ITSN1: variants seen among roughly 807,000 people sequenced by gnomAD.
The protein encoded by ITSN1 is intersectin 1.
ITSN1 carries 58 observed loss-of-function variants against 239.8 expected under a neutral mutation model. The ratio of observed to expected loss-of-function variants is 0.24; its 90% confidence interval spans 0.20 to 0.30. ITSN1 has a LOEUF of 0.30. ITSN1 is among the 10% of genes least tolerant of loss of function. The pLI is 1.00. For missense variants in ITSN1, 1,558 were observed against 2,103.3 expected (o/e 0.74, Z 5.07); for synonymous variants, 780 against 770.8 (o/e 1.01, Z -0.20).
intron 4 of ITSN1, among the ~76,000 whole-genome samples, chr21:33,724,087 G>T (rs2065668488): frequency 7.9e-6 from 1 of 126,272 alleles, no homozygotes; most frequent in Admixed American, 8.4e-5. Context: ...AGGAGATTGT[G>T]TGTGTGTGTT....
chr21:33,824,418 A>T (rs1459897211), intron 25 of ITSN1, among the ~76,000 whole-genome samples: 1 of 152,046 alleles, frequency 6.6e-6, no homozygotes, highest in Non-Finnish European at 1.5e-5. Context: ...ATGCACATTT[A>T]AAAAAACCAA....
At chr21:33,659,930 A>G (rs2089425460) in intron 1 of ITSN1, among the ~76,000 whole-genome samples, 1 of 151,884 alleles carries the variant, frequency 6.6e-6, no homozygotes, top group African/African-American at 2.4e-5. Flanking sequence ...ACTGGTCTCA[A>G]ACTCCTAGGC....
Position 33,664,209 on chromosome 21 carries a change from G to A in ITSN1, c.-33+21496G>A, listed in dbSNP as rs374631800. Among the ~76,000 whole-genome samples the A allele has an allele frequency of 3.3e-5, 5 of 152,280 alleles. No individual in the cohort carries two copies. The East Asian group carries it at 5.8e-4, about 18-fold the overall frequency. On this transcript the variant is annotated intron_variant, in intron 1 of 39. Coordinates refer to ENST00000381318, the MANE Select transcript of ITSN1 (RefSeq NM_003024.3). ...TAGGAAGGTCAAGTTAGAGCATCCG[G>A]TGAGGTCCTCAGGTTGCTTTCACTC...
intron 1 of ITSN1, among the ~76,000 whole-genome samples, chr21:33,678,469 G>T (rs1345917765): frequency 6.6e-6 from 1 of 152,148 alleles, no homozygotes; most frequent in Non-Finnish European, 1.5e-5. Context: ...CTAGCACTTA[G>T]CCCCGTGCTT....
chr21:33,647,601 A>C (rs1054706703), intron 1 of ITSN1, among the ~76,000 whole-genome samples: 4 of 152,000 alleles, frequency 2.6e-5, no homozygotes, highest in African/African-American at 9.7e-5. Context: ...GTTCAAATGA[A>C]TCTCTTGCCT....
intron 1 of ITSN1, among the ~76,000 whole-genome samples, chr21:33,652,971 A>C (rs1364763247): frequency 6.6e-6 from 1 of 150,866 alleles, no homozygotes; most frequent in African/African-American, 2.4e-5. Flanking sequence ...ACTATAATCC[A>C]CTTAAAGTAC....
At chr21:33,645,159 C>T (rs1194747459) in intron 1 of ITSN1, among the ~76,000 whole-genome samples, 1 of 152,142 alleles carries the variant, frequency 6.6e-6, no homozygotes, top group Non-Finnish European at 1.5e-5. Flanking sequence ...TTTTAATTTG[C>T]TAACATTTGT....
chr21:33,870,085 C>T (rs1018337136), intron 33 of ITSN1, among the ~76,000 whole-genome samples: 1 of 152,154 alleles, frequency 6.6e-6, no homozygotes, highest in Non-Finnish European at 1.5e-5. Flanking sequence ...TTACATGTGA[C>T]AAATCTCCCT....
intron 16 of ITSN1, among the ~76,000 whole-genome samples, chr21:33,793,399 T>C (rs552192240): frequency 6.6e-6 from 1 of 152,328 alleles, no homozygotes; most frequent in South Asian, 2.1e-4. Flanking sequence ...GCTGGAAAGA[T>C]ACCTTGGCTC....
At chr21:33,735,319 C>A in intron 5 of ITSN1, 115 bp downstream of exon 5, 1 of 1,116,726 alleles carries the variant, frequency 9.0e-7, no homozygotes, top group Non-Finnish European at 1.3e-6. Flanking sequence ...GTAATTCTGT[C>A]TGAAAAATGA....
intron 24 of ITSN1, 59 bp from the exon 25 acceptor site, chr21:33,823,428 G>C (rs1163221080): frequency 1.3e-6 from 2 of 1,498,602 alleles, no homozygotes; most frequent in Non-Finnish European, 1.8e-6. Flanking sequence ...TTGCAAAGCT[G>C]TCTGGGATTT....
chr21:33,862,859 G>A (rs1453892214), intron 31 of ITSN1, among the ~76,000 whole-genome samples: 1 of 152,200 alleles, frequency 6.6e-6, no homozygotes, highest in Non-Finnish European at 1.5e-5. Context: ...CACATAGGAA[G>A]CATTAATAAA....
In ITSN1 at chr21:33,762,737, C is replaced by A. The variant is rs188642913; in HGVS notation, c.788+751C>A. Among the ~76,000 whole-genome samples the A allele has an allele frequency of 1.2e-4, 19 of 152,014 alleles. No individual in the cohort carries two copies. In the East Asian group the frequency reaches 3.5e-3, roughly 28 times the overall value. ...AGATGGCAGTGGTGCCATCTTGGCT[C>A]ACTGCAACCTCCACTTCCCAGGTTC... On this transcript the variant is annotated intron_variant, in intron 9 of 39. Transcript: ENST00000381318.
At chr21:33,696,409 A>G (rs1302928024) in intron 1 of ITSN1, among the ~76,000 whole-genome samples, 1 of 152,200 alleles carries the variant, frequency 6.6e-6, no homozygotes, top group Non-Finnish European at 1.5e-5. Flanking sequence ...TGGACAGGAA[A>G]ATCTTATTGT....
intron 4 of ITSN1, among the ~76,000 whole-genome samples, chr21:33,729,384 C>A (rs1316192200): frequency 6.6e-6 from 1 of 151,700 alleles, no homozygotes; most frequent in Non-Finnish European, 1.5e-5. Flanking sequence ...AGGATTCAAG[C>A]CTGCATTGCG....
chr21:33,800,335 CGT>C, intron 19 of ITSN1, among the ~76,000 whole-genome samples: 1 of 151,566 alleles, frequency 6.6e-6, no homozygotes, highest in Admixed American at 6.6e-5. Flanking sequence ...TACTAGTGTG[CGT>C]GTGTGTATAT....
chr21:33,732,575 A>G (rs2066254926), intron 4 of ITSN1, among the ~76,000 whole-genome samples: 1 of 152,182 alleles, frequency 6.6e-6, no homozygotes. Flanking sequence ...GCATTCAGTA[A>G]TGTCTTAGAA....
At chr21:33,746,194 C>T (rs143762960) in intron 5 of ITSN1, among the ~76,000 whole-genome samples, 4 of 152,066 alleles carry the variant, frequency 2.6e-5, no homozygotes, top group Admixed American at 6.5e-5. Flanking sequence ...TAGCCTATGC[C>T]GGTTACTAAA....
chr21:33,753,841 A>G (rs1297205268), intron 7 of ITSN1, among the ~76,000 whole-genome samples: 3 of 151,558 alleles, frequency 2.0e-5, no homozygotes, highest in African/African-American at 7.3e-5. Flanking sequence ...TGCAGAAGCA[A>G]TTTTGAAATC....
Sources: allele counts gnomAD v4.1 joint callset (sites outside exome capture counted in the v4.1 genomes callset), GRCh38; gene constraint gnomAD v4.1.1; transcripts MANE v1.5; gene names NCBI Gene and HGNC (gene_info 2026-07-23, HGNC 2026-07-21).